The following ANKRD54 variants were observed in gnomAD, a reference collection of about 807,000 sequenced individuals.
ANKRD54 encodes ankyrin repeat domain-containing protein 54.
A neutral mutation model predicts 36.2 loss-of-function variants in ANKRD54; 26 were observed. The ratio of observed to expected loss-of-function variants is 0.72; its 90% CI spans 0.53 to 1.00. ANKRD54 has a LOEUF of 1.00. ANKRD54 is among the 50% of genes least tolerant of loss of function. The pLI, the probability that ANKRD54 is intolerant of heterozygous loss-of-function variation, is 0.00. For synonymous variants in ANKRD54, 209 were observed against 188.4 expected, an observed-to-expected ratio of 1.11 and a Z score of -0.89; for missense variants, 384 against 424.3, an observed-to-expected ratio of 0.91 and a Z score of 0.83.
chr22:37,848,097 A>C (rs1924945515), upstream of ANKRD54: 1 of 154,190 alleles, frequency 6.5e-6, no homozygotes, highest in Admixed American at 6.5e-5. Context: ...GTCACACAGC[A>C]AATCAGTGGC....
chr22:37,836,275 G>A (rs567117400), intron 3 of ANKRD54, among the ~76,000 whole-genome samples: 2 of 149,362 alleles, frequency 1.3e-5, no homozygotes, highest in African/African-American at 4.9e-5. Flanking sequence ...GGAGAAACCC[G>A]GTCTCCACTA....
At chr22:37,846,276 T>C (rs2145997882), upstream of ANKRD54, among the ~76,000 whole-genome samples, 1 of 152,252 alleles carries the variant, frequency 6.6e-6, no homozygotes, top group Non-Finnish European at 1.5e-5. Flanking sequence ...TTGTACTATA[T>C]GGAAAAAAAT....
chr22:37,832,987 G>T lies in ANKRD54; in HGVS notation c.691C>A (p.Leu231Ile), dbSNP rs1459103667. ...NILQEGHAQC[L>I]EAVRLEVKQI... Reference sequence around the variant, plus strand: ...TTCACCTCCAGACGCACAGCCTCTAGGCACTGGGCATGGCCCTCCTGCAGG... The same window carrying T: ...TTCACCTCCAGACGCACAGCCTCTATGCACTGGGCATGGCCCTCCTGCAGG... Residue 231 changes from leucine to isoleucine, a missense_variant, in exon 6 of 8, where the codon CTA becomes ATA. Physicochemically the swap from Leu to Ile is conservative, Grantham distance 5 (BLOSUM62 2). Coordinates refer to ENST00000215941, the MANE Select transcript of ANKRD54 (RefSeq NM_138797.4). 2 of 1,614,066 alleles carry T rather than the reference G, an allele frequency of 1.2e-6. No individual in the cohort carries two copies. The highest frequency in any genetic ancestry group is 4.5e-5 in the East Asian group (2 of 44,888).
rs1327629226 is a variant in ANKRD54 at position 37,831,338 on chromosome 22, AGG to A, written c.*603_*604del. ...TGGTGTTTCAATGACTGGGAGGAAA[AGG>A]GTTGGAATTTTTTGCTTTGGGGTCC... On this transcript the variant is annotated 3_prime_UTR_variant, in exon 8 of 8. Transcript: ENST00000215941. 6.6e-6 allele frequency: 1 copy of A among 152,426 alleles called. No individual in the cohort carries two copies. The highest frequency in any genetic ancestry group is 1.9e-4 in the East Asian group (1 of 5,196). The allele number at this position is 152,426 out of a possible 1,614,324, so 9.4% of individuals were successfully genotyped here. A position where few individuals can be genotyped will look rare whatever the true frequency, so the allele number is the denominator to read the frequency against.
At chr22:37,837,462 A>G (rs908759510) in intron 3 of ANKRD54, among the ~76,000 whole-genome samples, 2 of 152,232 alleles carry the variant, frequency 1.3e-5, no homozygotes, top group Admixed American at 6.5e-5. Context: ...ACAAACCAGC[A>G]TAAGAAAGTA....
chr22:37,833,600 G>A (rs1281886595), intron 4 of ANKRD54, 84 bp downstream of exon 4: 2 of 1,437,580 alleles, frequency 1.4e-6, no homozygotes, highest in Admixed American at 1.8e-5. Context: ...TTTCTGCCAG[G>A]AGCATGCCGG....
chr22:37,847,324 G>A (rs1046461623), upstream of ANKRD54, among the ~76,000 whole-genome samples: 2 of 151,580 alleles, frequency 1.3e-5, no homozygotes, highest in African/African-American at 4.8e-5. Context: ...CACCATGCCC[G>A]GCTAATTTTA....
At chr22:37,838,724 A>T in intron 2 of ANKRD54, 126 bp from the exon 3 acceptor site, 2 of 859,116 alleles carry the variant, frequency 2.3e-6, no homozygotes, top group African/African-American at 1.7e-5. Flanking sequence ...TGCATAGGAA[A>T]GCAGCCCTTC....
chr22:37,835,357 G>A (rs1402531345), intron 3 of ANKRD54, among the ~76,000 whole-genome samples: 3 of 151,672 alleles, frequency 2.0e-5, no homozygotes, highest in South Asian at 2.1e-4. Context: ...GTGAGACTCT[G>A]TCTCAAATAA....
chr22:37,844,097 C>A lies in ANKRD54; in HGVS notation c.142G>T (p.Gly48Cys). 6.9e-7 allele frequency: 1 copy of A among 1,455,732 alleles called. No homozygotes were observed. The allele number at this position is 1,455,732 out of a possible 1,614,324, so 90.2% of individuals were successfully genotyped here. Residue 48 changes from glycine to cysteine, a missense_variant, in exon 1 of 8, where the codon GGC becomes TGC. Coordinates refer to ENST00000215941, the MANE Select transcript of ANKRD54 (RefSeq NM_138797.4). The part of the protein sequence containing the change: ...SFADFGSALG[G>C]GGAGLSGRAS... ...CGGCCCGAGAGGCCCGCGCCGCCGC[C>A]GCCCAGCGCAGACCCGAAGTCAGCG...
chr22:37,839,549 G>A (rs918622654), intron 2 of ANKRD54, among the ~76,000 whole-genome samples: 9 of 152,186 alleles, frequency 5.9e-5, no homozygotes, highest in East Asian at 1.9e-4. Context: ...CACCACGTCC[G>A]GCTAATTTTT....
chr22:37,833,300 C>T, intron 4 of ANKRD54, 94 bp from the exon 5 acceptor site: 1 of 1,507,592 alleles, frequency 6.6e-7, no homozygotes, highest in Non-Finnish European at 9.1e-7. Context: ...CTCCCAGACG[C>T]CTGTGCCAAG....
At chr22:37,847,631 TG>T (rs1924912641), upstream of ANKRD54, 1 of 478,928 alleles carries the variant, frequency 2.1e-6, no homozygotes, top group Admixed American at 2.9e-5. Context: ...TTTGCAAAGG[TG>T]GTTTCAGCAA....
intron 3 of ANKRD54, 90 bp from the exon 4 acceptor site, chr22:37,833,845 G>T: frequency 8.5e-7 from 1 of 1,171,824 alleles, no homozygotes; most frequent in Non-Finnish European, 1.2e-6. Context: ...CTGGCTCAGA[G>T]TAGGGGACAC....
upstream of ANKRD54, among the ~76,000 whole-genome samples, chr22:37,844,867 C>CA (rs1555912683): frequency 6.6e-6 from 1 of 151,192 alleles, no homozygotes; most frequent in Non-Finnish European, 1.5e-5. Flanking sequence ...CGCGCCCGGC[C>CA]TTTTTTTTTC....
chr22:37,841,337 G>A (rs1924214116), intron 1 of ANKRD54, among the ~76,000 whole-genome samples: 1 of 152,092 alleles, frequency 6.6e-6, no homozygotes. Context: ...ACCACCCTGG[G>A]CAACATGGTG....
chr22:37,833,398 CTG>C (rs1453905632), intron 4 of ANKRD54, among the ~76,000 whole-genome samples, 192 bp from the exon 5 acceptor site: 2 of 152,210 alleles, frequency 1.3e-5, no homozygotes, highest in Admixed American at 1.3e-4. Context: ...GCAGAGGAAA[CTG>C]AGGCCTGGAG....
In ANKRD54 at chr22:37,838,521, A is replaced by G; in HGVS notation, c.454T>C (p.Cys152Arg). ...KGRTALHFAS[C>R]NGNDQIVQLL... ...TCACCAATCTGGTCATTGCCATTGCATGAGGCAAAGTGTAGAGCTGTGCGG... is the reference window on the plus strand; with the variant it reads ...TCACCAATCTGGTCATTGCCATTGCGTGAGGCAAAGTGTAGAGCTGTGCGG... The change falls in exon 3 of 8, where the codon TGC becomes CGC. Residue 152 changes from cysteine to arginine, a missense_variant. Physicochemically the swap from Cys to Arg is radical, Grantham distance 180. Coordinates refer to ENST00000215941, the MANE Select transcript of ANKRD54 (RefSeq NM_138797.4). 6.2e-7 allele frequency: 1 copy of G among 1,612,532 alleles called. No individual in the cohort carries two copies. The highest frequency in any genetic ancestry group is 8.5e-7 in the Non-Finnish European group (1 of 1,179,420).
intron 3 of ANKRD54, chr22:37,834,634 G>T (rs1923293115): frequency 6.9e-6 from 1 of 144,350 alleles, no homozygotes; most frequent in African/African-American, 2.6e-5. Flanking sequence ...GAAGGTCGAG[G>T]TTGCAGTCAG....
Sources: allele counts gnomAD v4.1 joint callset (sites outside exome capture counted in the v4.1 genomes callset), GRCh38; gene constraint gnomAD v4.1.1; transcripts MANE v1.5; gene names NCBI Gene and HGNC (gene_info 2026-07-23, HGNC 2026-07-21).